The following GAPVD1 variants were observed in gnomAD, a reference collection of about 807,000 sequenced individuals.
The protein encoded by GAPVD1 is GTPase-activating protein and VPS9 domain-containing protein 1.
In GAPVD1, 35 loss-of-function variants were observed where a neutral mutation model predicts 155.5. The ratio of observed to expected loss-of-function variants is 0.23; its 90% CI spans 0.17 to 0.30. The LOEUF (loss-of-function observed/expected upper bound fraction) is 0.30. Among genes scored for constraint, GAPVD1 ranks in the 10% least tolerant of loss-of-function variants. The probability of loss-of-function intolerance (pLI) is 1.00; values close to 1 mark genes in which losing one functional copy is unlikely to be tolerated. For missense variants in GAPVD1, 1,429 were observed against 1,775.7 expected, an observed-to-expected ratio of 0.80 and a Z score of 3.51; for synonymous variants, 636 against 619.7, an observed-to-expected ratio of 1.03 and a Z score of -0.39.
chr9:125,314,294 A>G (rs1843074204), intron 9 of GAPVD1, among the ~76,000 whole-genome samples: 1 of 152,222 alleles, frequency 6.6e-6, no homozygotes, highest in African/African-American at 2.4e-5. Flanking sequence ...AAATTTTTTT[A>G]AGAAATGGAG....
chr9:125,288,702 C>T (rs1838120996), intron 2 of GAPVD1, among the ~76,000 whole-genome samples: 1 of 152,134 alleles, frequency 6.6e-6, no homozygotes, highest in East Asian at 1.9e-4. Flanking sequence ...TTAGCAAGTA[C>T]ATACTGAAGT....
rs1226469132 is a variant in GAPVD1, at chr9:125,354,853, C to T, written c.3757+12C>T. On this transcript the variant is annotated intron_variant, in intron 24 of 27. Transcript: ENST00000297933. ...GGAATTCATTCAAGGTAACTCAATA[C>T]CTTTAGTTTAAGCATCTCTTCACCT... The T allele has an allele frequency of 1.3e-6, 2 of 1,574,588 alleles. No homozygotes were observed. The highest frequency in any genetic ancestry group is 1.7e-6 in the Non-Finnish European group (2 of 1,144,276).
intron 25 of GAPVD1, among the ~76,000 whole-genome samples, chr9:125,357,707 C>T (rs1010644378): frequency 6.6e-6 from 1 of 151,970 alleles, no homozygotes. Context: ...GGCGCAGTGG[C>T]GTATGCCTGT....
At chr9:125,359,646 A>C in intron 26 of GAPVD1, 154 bp downstream of exon 26, 1 of 567,546 alleles carries the variant, frequency 1.8e-6, no homozygotes, top group Non-Finnish European at 3.1e-6. Context: ...GAAGTTCCTG[A>C]AGATGCTTTC....
chr9:125,356,515 A>C (rs544410172), intron 25 of GAPVD1, among the ~76,000 whole-genome samples: 13 of 152,028 alleles, frequency 8.6e-5, no homozygotes, highest in Non-Finnish European at 1.8e-4. Flanking sequence ...CTTTTGAGAC[A>C]GGGTCTTGCC....
At chr9:125,355,927 C>A (rs1209168965) in intron 25 of GAPVD1, 70 bp downstream of exon 25, 3 of 857,356 alleles carry the variant, frequency 3.5e-6, no homozygotes, top group Admixed American at 1.8e-5. Flanking sequence ...ATATTTTAGG[C>A]AAGCTATACG....
rs1847163285 is a variant in GAPVD1 at position 125,337,204 on chromosome 9, T to C, written c.2507-17T>C. ...ATGTTGTGTCTCAGTTACAAAACTTTTTTTCCTGTGTTGCAGGGGCTTCTG... is the reference window on the plus strand; with the variant it reads ...ATGTTGTGTCTCAGTTACAAAACTTCTTTTCCTGTGTTGCAGGGGCTTCTG... On this transcript the variant is annotated splice_polypyrimidine_tract_variant and intron_variant, in intron 16 of 27. Coordinates refer to ENST00000297933, the MANE Select transcript of GAPVD1 (RefSeq NM_001282680.3). 1 of 1,612,436 alleles carries C rather than the reference T, an allele frequency of 6.2e-7. No homozygotes were observed. The highest frequency in any genetic ancestry group is 1.7e-5 in the Admixed American group (1 of 59,782).
At chr9:125,306,531 G>T (rs1841845137) in intron 6 of GAPVD1, among the ~76,000 whole-genome samples, 1 of 151,652 alleles carries the variant, frequency 6.6e-6, no homozygotes. Flanking sequence ...TTGAGACAGG[G>T]TCTCACTTTG....
intron 8 of GAPVD1, chr9:125,309,986 A>G (rs1290397714): frequency 2.1e-6 from 1 of 467,362 alleles, no homozygotes; most frequent in East Asian, 7.0e-5. Context: ...ATTACCTCTC[A>G]TATTACAGTA....
chr9:125,333,810 A>AT (rs34352967), intron 15 of GAPVD1, among the ~76,000 whole-genome samples: 1,750 of 151,466 alleles, frequency 0.012, 28 homozygotes, highest in African/African-American at 0.04. Context: ...TATTTTTACA[A>AT]TTTTTTTTTG....
chr9:125,311,810 G>A (rs953130485), intron 8 of GAPVD1, among the ~76,000 whole-genome samples: 3 of 151,138 alleles, frequency 2.0e-5, no homozygotes, highest in Non-Finnish European at 4.4e-5. Context: ...GTCTCCGTCT[G>A]CCTGGTTCAA....
intron 2 of GAPVD1, among the ~76,000 whole-genome samples, chr9:125,291,436 A>G (rs1298315053): frequency 1.3e-5 from 2 of 152,152 alleles, no homozygotes; most frequent in African/African-American, 4.8e-5. Flanking sequence ...AAGTGATTAT[A>G]ATGATTGGCC....
intron 3 of GAPVD1, among the ~76,000 whole-genome samples, chr9:125,295,823 A>G (rs1167574963): frequency 6.6e-6 from 1 of 152,058 alleles, no homozygotes; most frequent in Non-Finnish European, 1.5e-5. Context: ...GTCATTGAAA[A>G]CATTTTATGT....
At chr9:125,268,625 G>C (rs1834384415) in intron 1 of GAPVD1, among the ~76,000 whole-genome samples, 1 of 150,900 alleles carries the variant, frequency 6.6e-6, no homozygotes, top group South Asian at 2.1e-4. Flanking sequence ...TCAGCCTTCT[G>C]AGTAGCTGGG....
At chr9:125,319,181 T>TATA (rs201922569) in intron 9 of GAPVD1, among the ~76,000 whole-genome samples, 2,473 of 139,350 alleles carry the variant, frequency 0.018, 55 homozygotes, top group African/African-American at 0.055. Flanking sequence ...GTCTCAAAAA[T>TATA]ATAATAATAA....
intron 11 of GAPVD1, among the ~76,000 whole-genome samples, chr9:125,326,204 T>C (rs528243999): frequency 1.6e-4 from 25 of 152,326 alleles, no homozygotes; most frequent in African/African-American, 6.0e-4. Context: ...GGTTGGCATA[T>C]GCAAAATGCT....
At chr9:125,314,409 A>G (rs1315515069) in intron 9 of GAPVD1, among the ~76,000 whole-genome samples, 1 of 152,206 alleles carries the variant, frequency 6.6e-6, no homozygotes, top group Admixed American at 6.5e-5. Flanking sequence ...TAATCCCAGC[A>G]CTTTGGGAGG....
At position 125,367,111 on chromosome 9, in the gene GAPVD1, A is replaced by G. The variant is rs968624018; in HGVS notation, c.*4365A>G. On this transcript the variant is annotated 3_prime_UTR_variant, in exon 28 of 28. Coordinates refer to ENST00000297933, the MANE Select transcript of GAPVD1 (RefSeq NM_001282680.3). The stretch of plus-strand genomic sequence containing the variant: ...AATTAATGAGCTTGCACAATCTTGT[A>G]TATGTACAGGAAACCCCTCCTGTCT... 2.0e-5 allele frequency: 3 copies of G among 152,224 alleles called. No individual in the cohort carries two copies. Among genetic ancestry groups the G allele is most frequent in the African/African-American group, 7.2e-5 (3 of 41,462 alleles). The allele number at this position is 152,224 out of a possible 1,614,324, so 9.4% of individuals were successfully genotyped here.
chr9:125,323,527 G>A (rs1341607502), intron 10 of GAPVD1, among the ~76,000 whole-genome samples: 1 of 152,100 alleles, frequency 6.6e-6, no homozygotes, highest in East Asian at 1.9e-4. Flanking sequence ...GGATGGTCTC[G>A]ATCTCCTGAC....
Sources: gnomAD v4.1 joint callset for allele counts (sites outside exome capture counted in the v4.1 genomes callset) on GRCh38, gnomAD v4.1.1 for gene constraint, MANE v1.5 for transcripts, NCBI Gene and HGNC (gene_info 2026-07-23, HGNC 2026-07-21) for gene names.